Variants in NFILZ observed in about 807,000 individuals in gnomAD.
NFILZ encodes NFIL3 like basic leucine zipper.
intron 3 of NFILZ, among the ~76,000 whole-genome samples, chr19:8,656,521 C>T (rs1257269269): frequency 7.3e-5 from 11 of 149,666 alleles, no homozygotes; most frequent in African/African-American, 9.9e-5. Flanking sequence ...TCCTGCAGCC[C>T]ACCTTCTCTC....
At chr19:8,653,011 C>CCTT (rs2042974052) in intron 3 of NFILZ, among the ~76,000 whole-genome samples, 5 of 52,892 alleles carry the variant, frequency 9.5e-5, no homozygotes, top group African/African-American at 3.2e-4. Flanking sequence ...TTCCTTCCTT[C>CCTT]CTTTCTTTCT....
chr19:8,672,425 AAAATAATCCATGCATTTGTTAGTTCATTC>A (rs1555750354), intron 3 of NFILZ, among the ~76,000 whole-genome samples: 1 of 152,144 alleles, frequency 6.6e-6, no homozygotes, highest in Non-Finnish European at 1.5e-5. Context: ...GAGTTAATTC[AAAATAATCCATGCATTTGTTAGTTCATTC>A]AAAAAATCCA....
At chr19:8,656,497 C>CCACCTCTTCCCTGAA (rs1246521049) in intron 3 of NFILZ, among the ~76,000 whole-genome samples, 2 of 68,452 alleles carry the variant, frequency 2.9e-5, no homozygotes, top group East Asian at 9.1e-4. Context: ...CACCTTCTCC[C>CCACCTCTTCCCTGAA]GCAGCCCACC....
At chr19:8,675,444 T>C (rs1452298640) in intron 4 of NFILZ, among the ~76,000 whole-genome samples, 1 of 152,202 alleles carries the variant, frequency 6.6e-6, no homozygotes, top group East Asian at 1.9e-4. Context: ...TCTGGGACAC[T>C]GGGCATCTTT....
chr19:8,673,270 T>C (rs1555750447), intron 3 of NFILZ, among the ~76,000 whole-genome samples: 10 of 152,154 alleles, frequency 6.6e-5, no homozygotes. Context: ...GGGGATGATA[T>C]GCTCCTGACA....
chr19:8,654,477 C>T (rs1215021358), intron 3 of NFILZ, among the ~76,000 whole-genome samples: 2 of 151,322 alleles, frequency 1.3e-5, no homozygotes, highest in Non-Finnish European at 2.9e-5. Flanking sequence ...TAGCCAGGCA[C>T]GGTGGCACAC....
chr19:8,663,629 T>A (rs2043043053), intron 3 of NFILZ, among the ~76,000 whole-genome samples: 1 of 151,988 alleles, frequency 6.6e-6, no homozygotes, highest in Admixed American at 6.6e-5. Flanking sequence ...GAGGTAAATG[T>A]CCCACGAATG....
At chr19:8,656,332 T>C (rs1408215587) in intron 3 of NFILZ, among the ~76,000 whole-genome samples, 5,561 of 27,104 alleles carry the variant, frequency 0.21, 951 homozygotes, top group Non-Finnish European at 0.36. Flanking sequence ...TGAAGCCCCC[T>C]TCTTCCTGAA....
At chr19:8,653,056 C>G (rs1308037123) in intron 3 of NFILZ, among the ~76,000 whole-genome samples, 1 of 118,678 alleles carries the variant, frequency 8.4e-6, no homozygotes, top group African/African-American at 3.4e-5. Context: ...CTCTCTCTCT[C>G]TCTCTCTCTC....
intron 3 of NFILZ, among the ~76,000 whole-genome samples, chr19:8,653,056 CTCTCTCTCTCTCTCTCTCTCTCTCTCTT>C (rs2042976377): frequency 8.4e-6 from 1 of 118,678 alleles, no homozygotes; most frequent in East Asian, 3.6e-4. Flanking sequence ...CTCTCTCTCT[CTCTCTCTCTCTCTCTCTCTCTCTCTCTT>C]TCTTTCTTTT....
intron 5 of NFILZ, among the ~76,000 whole-genome samples, 100 bp downstream of exon 5, chr19:8,676,556 A>G (rs1311636405): frequency 5.3e-5 from 8 of 152,148 alleles, no homozygotes; most frequent in Admixed American, 5.2e-4. Context: ...CCTTTCTAGC[A>G]GTTTCTTGTT....
At chr19:8,643,062 A>G (rs1426873435) in intron 3 of NFILZ, among the ~76,000 whole-genome samples, 1 of 146,824 alleles carries the variant, frequency 6.8e-6, no homozygotes, top group African/African-American at 2.5e-5. Flanking sequence ...CTCTCCCCCC[A>G]CCTCAGCCTC....
chr19:8,668,152 T>C lies in NFILZ; in HGVS notation c.-163-6399T>C, dbSNP rs539392622. On this transcript the variant is annotated intron_variant, in intron 3 of 5. Transcript: ENST00000691075. ...TTTTAGTAGAGACAGGGTTTCACCA[T>C]GTTGGCTAGGCTGGTCTCCAGCTCC... Among the ~76,000 whole-genome samples, 4 of 152,248 alleles carry C rather than the reference T, an allele frequency of 2.6e-5. No individual in the cohort carries two copies. The South Asian group carries it at 8.3e-4, about 32-fold the overall frequency.
chr19:8,637,504 T>G (rs1555746216), intron 3 of NFILZ, among the ~76,000 whole-genome samples: 1 of 151,226 alleles, frequency 6.6e-6, no homozygotes, highest in African/African-American at 2.4e-5. Flanking sequence ...TCCCAGCTAC[T>G]TGGGAGGCTG....
intron 3 of NFILZ, among the ~76,000 whole-genome samples, chr19:8,650,468 A>T (rs1296751255): frequency 1.3e-5 from 2 of 152,128 alleles, no homozygotes; most frequent in Non-Finnish European, 2.9e-5. Context: ...CAGCCTGGTC[A>T]ACATGGCAAA....
chr19:8,656,250 A>ACAGCCCACCTCCTCC (rs2042992893), intron 3 of NFILZ, among the ~76,000 whole-genome samples: 53 of 29,776 alleles, frequency 1.8e-3, no homozygotes, highest in Non-Finnish European at 3.4e-3. Context: ...TGCCTTCTCC[A>ACAGCCCACCTCCTCC]CGCAGCCCAT....
chr19:8,647,926 A>T (rs1180815540), intron 3 of NFILZ, among the ~76,000 whole-genome samples: 9 of 151,604 alleles, frequency 5.9e-5, no homozygotes, highest in Non-Finnish European at 1.0e-4. Flanking sequence ...TAATCCCAGC[A>T]CTTTGGGAGG....
At chr19:8,671,302 C>G (rs189060570) in intron 3 of NFILZ, among the ~76,000 whole-genome samples, 62 of 152,256 alleles carry the variant, frequency 4.1e-4, no homozygotes, top group African/African-American at 1.3e-3. Context: ...TCTGCGACCA[C>G]AGGAAGGCCC....
At chr19:8,651,054 T>C (rs2042962695) in intron 3 of NFILZ, among the ~76,000 whole-genome samples, 1 of 152,204 alleles carries the variant, frequency 6.6e-6, no homozygotes, top group Non-Finnish European at 1.5e-5. Flanking sequence ...GATAAAAACA[T>C]ACAATGTGTC....
Sources: gnomAD v4.1 joint callset for allele counts (sites outside exome capture counted in the v4.1 genomes callset) on GRCh38, gnomAD v4.1.1 for gene constraint, MANE v1.5 for transcripts, NCBI Gene and HGNC (gene_info 2026-07-23, HGNC 2026-07-21) for gene names.